GFOD1: variants seen among roughly 807,000 people sequenced by gnomAD.
The protein encoded by GFOD1 is Gfo/Idh/MocA-like oxidoreductase domain containing 1, also known as glucose-fructose oxidoreductase domain-containing protein 1.
GFOD1 carries 9 observed loss-of-function variants against 25.4 expected under a neutral mutation model. That is an observed-to-expected ratio of 0.35 (90% CI 0.21 to 0.62). The LOEUF (loss-of-function observed/expected upper bound fraction) is 0.62. Among genes scored for constraint, GFOD1 ranks in the 20% least tolerant of loss-of-function variants. The pLI, the probability that GFOD1 is intolerant of heterozygous loss-of-function variation, is 0.72. For missense variants in GFOD1, 403 were observed against 556.9 expected (o/e 0.72, Z 2.78); for synonymous variants, 253 against 245.6 (o/e 1.03, Z -0.28).
intron 1 of GFOD1, among the ~76,000 whole-genome samples, chr6:13,482,756 A>T (rs1758781613): frequency 6.6e-6 from 1 of 152,192 alleles, no homozygotes; most frequent in Non-Finnish European, 1.5e-5. Flanking sequence ...TCAAAAAATA[A>T]AATAAAATTA....
At chr6:13,486,577 G>C in intron 1 of GFOD1, 61 bp downstream of exon 1, 2 of 1,331,046 alleles carry the variant, frequency 1.5e-6, no homozygotes, top group Non-Finnish European at 2.1e-6. Flanking sequence ...AGGGGGGAAG[G>C]AACCTAGAGA....
chr6:13,463,235 T>A (rs150497656), intron 1 of GFOD1, among the ~76,000 whole-genome samples: 5 of 152,308 alleles, frequency 3.3e-5, no homozygotes, highest in African/African-American at 1.2e-4. Context: ...GGGAGATGAC[T>A]GAGTCTGGCC....
intron 1 of GFOD1, among the ~76,000 whole-genome samples, chr6:13,409,423 C>T (rs1333364000): frequency 1.3e-5 from 2 of 151,662 alleles, no homozygotes; most frequent in Non-Finnish European, 2.9e-5. Flanking sequence ...GAGACAAATC[C>T]TAAGAAGAAA....
intron 1 of GFOD1, among the ~76,000 whole-genome samples, chr6:13,426,312 G>T (rs573159407): frequency 1.2e-4 from 18 of 152,316 alleles, no homozygotes. Context: ...GAAGATATGA[G>T]AGCCAGGAAG....
At position 13,363,643 on chromosome 6, in the gene GFOD1, G is replaced by A. The variant is rs1342039121; in HGVS notation, c.*1100C>T. ...CTTCCTTTCTAAATCCACAAAGCTG[G>A]ATGAATCTCCTAAAAGCTCTTGCCC... On this transcript the variant is annotated 3_prime_UTR_variant, in exon 2 of 2. Coordinates refer to ENST00000379287, the MANE Select transcript of GFOD1 (RefSeq NM_018988.4). 1.4e-5 allele frequency: 2 copies of A among 142,324 alleles called. No individual in the cohort carries two copies. Among genetic ancestry groups the A allele is most frequent in the Non-Finnish European group, 3.0e-5 (2 of 66,654 alleles). 8.8% of individuals were successfully genotyped at this position (142,324 alleles called of 1,614,324 possible).
chr6:13,364,817 C>G lies in GFOD1; in HGVS notation c.1099G>C (p.Glu367Gln). 6.2e-7 allele frequency: 1 copy of G among 1,613,976 alleles called. No individual in the cohort carries two copies. Among genetic ancestry groups the G allele is most frequent in the Non-Finnish European group, 8.5e-7 (1 of 1,180,024 alleles). ...GEWQNIAIMT[E>Q]EPELSPAYLI... The stretch of plus-strand genomic sequence containing the variant: ...TAGGCGGGGCTCAGCTCCGGCTCCT[C>G]GGTCATGATGGCAATGTTCTGCCAC... The change falls in exon 2 of 2, where the codon GAG (glutamate) becomes CAG (glutamine). Residue 367 changes from glutamate to glutamine, a missense_variant. Glu to Gln is a conservative substitution (Grantham distance 29, BLOSUM62 2). Transcript: ENST00000379287. This position sits in a 1 kb window ranked among gnomAD's most constrained non-coding sequence, Gnocchi z 4.1.
intron 1 of GFOD1, among the ~76,000 whole-genome samples, chr6:13,484,594 A>G (rs1758823741): frequency 1.3e-5 from 2 of 152,378 alleles, no homozygotes; most frequent in South Asian, 4.1e-4. Context: ...TATGCCTCTT[A>G]TCGCTGGTTT....
Position 13,357,961 on chromosome 6 carries a change from C to CGAGCA in GFOD1, c.*6777_*6781dup, listed in dbSNP as rs1208685016. ...GCTGAGTGATGCTGACCGCTGGCTC[C>CGAGCA]GAGCATCGAGCATCGCAGAGATCAC... is the stretch of plus-strand genomic sequence containing the variant. On this transcript the variant is annotated 3_prime_UTR_variant, in exon 2 of 2. Transcript: ENST00000379287. 6.6e-6 allele frequency: 1 copy of CGAGCA among 152,270 alleles called. No individual in the cohort carries two copies. The highest frequency in any genetic ancestry group is 1.5e-5 in the Non-Finnish European group (1 of 68,052). 9.4% of individuals were successfully genotyped at this position (152,270 alleles called of 1,614,324 possible). A position where few individuals can be genotyped will look rare whatever the true frequency, so the allele number is the denominator to read the frequency against.
chr6:13,432,611 G>A (rs778876748), intron 1 of GFOD1, among the ~76,000 whole-genome samples: 1 of 152,066 alleles, frequency 6.6e-6, no homozygotes, highest in Non-Finnish European at 1.5e-5. Flanking sequence ...TCTGCCAGAG[G>A]GAAACTTCAG....
intron 1 of GFOD1, among the ~76,000 whole-genome samples, chr6:13,409,185 G>T (rs1222724957): frequency 3.3e-5 from 2 of 60,474 alleles, no homozygotes; most frequent in Non-Finnish European, 4.7e-5. Context: ...GAGAGAGAGA[G>T]AAAGAAAGAA....
chr6:13,461,663 C>T (rs1294954334), intron 1 of GFOD1, among the ~76,000 whole-genome samples: 1 of 152,116 alleles, frequency 6.6e-6, no homozygotes, highest in Non-Finnish European at 1.5e-5. Flanking sequence ...GTGTTTTTCC[C>T]TTAAGCTGGT....
intron 1 of GFOD1, among the ~76,000 whole-genome samples, chr6:13,391,547 T>C (rs1785612956): frequency 6.8e-6 from 1 of 146,526 alleles, no homozygotes; most frequent in Non-Finnish European, 1.5e-5. Context: ...GAAAAGAAAT[T>C]GGCCAAGGAA....
chr6:13,428,828 C>T (rs1054962119), intron 1 of GFOD1, among the ~76,000 whole-genome samples: 4 of 152,160 alleles, frequency 2.6e-5, no homozygotes, highest in Non-Finnish European at 5.9e-5. Context: ...CCATCAGAAG[C>T]GGACTTTCTG....
At chr6:13,478,714 G>A (rs115662701) in intron 1 of GFOD1, among the ~76,000 whole-genome samples, 1,743 of 152,330 alleles carry the variant, frequency 0.011, 23 homozygotes, top group African/African-American at 0.04. Flanking sequence ...TCATATTTGG[G>A]AGCTGCGTGT....
chr6:13,468,246 C>A (rs1289262421), intron 1 of GFOD1, among the ~76,000 whole-genome samples: 3 of 152,090 alleles, frequency 2.0e-5, no homozygotes, highest in Non-Finnish European at 4.4e-5. Flanking sequence ...ACAAATGCTT[C>A]TGTGTCCTTT....
intron 1 of GFOD1, among the ~76,000 whole-genome samples, chr6:13,437,633 C>G (rs1348153752): frequency 6.6e-6 from 1 of 152,168 alleles, no homozygotes; most frequent in African/African-American, 2.4e-5. Context: ...TAGTTCAAAC[C>G]TCTTATAATC....
rs971441191 is a variant in GFOD1, at chr6:13,365,935, G to A, written c.254-273C>T. On this transcript the variant is annotated intron_variant, in intron 1 of 1. Coordinates refer to ENST00000379287, the MANE Select transcript of GFOD1 (RefSeq NM_018988.4). The surrounding 1 kb of genome is among the most constrained non-coding windows in gnomAD (Gnocchi z 9.2). ...ATAATAATAATAATGAGCCGGGCGT[G>A]GTGGTGCACGCCTGTGGTCCCAGCT... Among the ~76,000 whole-genome samples, 1 of 149,270 alleles carries A rather than the reference G, an allele frequency of 6.7e-6. No homozygotes were observed. Among genetic ancestry groups the A allele is most frequent in the South Asian group, 2.1e-4 (1 of 4,766 alleles).
chr6:13,470,080 A>G (rs1253092646), intron 1 of GFOD1: 3 of 1,395,398 alleles, frequency 2.1e-6, no homozygotes, highest in African/African-American at 2.9e-5. Context: ...GGTGAGGAAT[A>G]CAGATGTTGA....
At position 13,358,766 on chromosome 6, in the gene GFOD1, G is replaced by A. The variant is rs1211191120; in HGVS notation, c.*5977C>T. 1.3e-5 allele frequency: 2 copies of A among 152,426 alleles called. No individual in the cohort carries two copies. Among genetic ancestry groups the A allele is most frequent in the East Asian group, 3.8e-4 (2 of 5,200 alleles). 9.4% of individuals were successfully genotyped at this position (152,426 alleles called of 1,614,324 possible). A position where few individuals can be genotyped will look rare whatever the true frequency, so the allele number is the denominator to read the frequency against. ...ACCTGGTGACAACTCCATGACTATT[G>A]TCTAGCCCCTGCCTACATCTGCCCA... On this transcript the variant is annotated 3_prime_UTR_variant, in exon 2 of 2. Transcript: ENST00000379287.
Sources: gnomAD v4.1 joint callset for allele counts (sites outside exome capture counted in the v4.1 genomes callset) on GRCh38, gnomAD v4.1.1 for gene constraint, Gnocchi (gnomAD v3.1) non-coding constraint, MANE v1.5 for transcripts, NCBI Gene and HGNC (gene_info 2026-07-23, HGNC 2026-07-21) for gene names.